Variants in OSBPL8 observed in about 807,000 individuals in gnomAD.
OSBPL8 encodes the protein oxysterol binding protein like 8.
OSBPL8 carries 59 observed loss-of-function variants against 125.5 expected under a neutral mutation model. The observed-to-expected ratio is 0.47, with a 90% CI of 0.38 to 0.58. OSBPL8 has a LOEUF of 0.58. Ranked by LOEUF, OSBPL8 falls within the 20% of genes least tolerant of loss-of-function variation. OSBPL8 has a pLI of 0.00. For missense variants in OSBPL8, 758 were observed against 1,047.8 expected (o/e 0.72, Z 3.82); for synonymous variants, 330 against 338.9 (o/e 0.97, Z 0.29).
intron 6 of OSBPL8, among the ~76,000 whole-genome samples, chr12:76,401,800 A>G (rs1036861881): frequency 1.3e-5 from 2 of 152,212 alleles, no homozygotes; most frequent in African/African-American, 2.4e-5. Flanking sequence ...TTAAGAAACC[A>G]TAACTATAAA....
chr12:76,483,593 A>G (rs2137002886), intron 2 of OSBPL8, among the ~76,000 whole-genome samples: 1 of 151,616 alleles, frequency 6.6e-6, no homozygotes, highest in African/African-American at 2.4e-5. Context: ...TATGTTCAAG[A>G]AGGAAAGCAA....
intron 4 of OSBPL8, among the ~76,000 whole-genome samples, chr12:76,413,617 T>C (rs1356263881): frequency 6.6e-6 from 1 of 152,218 alleles, no homozygotes; most frequent in Non-Finnish European, 1.5e-5. Context: ...AACTTCAGTA[T>C]TGAAAAACTC....
intron 4 of OSBPL8, chr12:76,422,758 CACAA>C (rs1475240839): frequency 6.2e-5 from 22 of 356,738 alleles, no homozygotes; most frequent in East Asian, 2.2e-4. Context: ...AACCCACCAG[CACAA>C]ACAAAGAACA....
At chr12:76,539,850 T>C (rs1473796505) in intron 1 of OSBPL8, among the ~76,000 whole-genome samples, 3 of 152,160 alleles carry the variant, frequency 2.0e-5, no homozygotes, top group African/African-American at 7.2e-5. Context: ...TAACTTCCCA[T>C]GAGCAGTCAA....
At chr12:76,453,422 T>C (rs998289062) in intron 3 of OSBPL8, among the ~76,000 whole-genome samples, 3 of 152,148 alleles carry the variant, frequency 2.0e-5, no homozygotes, top group African/African-American at 7.2e-5. Context: ...ACATAGCAGA[T>C]AGCTTTCAGA....
intron 17 of OSBPL8, 68 bp from the exon 18 acceptor site, chr12:76,373,501 C>A: frequency 8.6e-7 from 1 of 1,156,972 alleles, no homozygotes. Context: ...AAAACCAAAA[C>A]AAAAAACCCA....
At chr12:76,508,601 A>C (rs542414327) in intron 1 of OSBPL8, among the ~76,000 whole-genome samples, 15 of 152,332 alleles carry the variant, frequency 9.8e-5, no homozygotes, top group Middle Eastern at 3.4e-3. Context: ...GGTGATAAAG[A>C]CCTTGCAGAT....
At chr12:76,551,197 C>A (rs887667917) in intron 1 of OSBPL8, among the ~76,000 whole-genome samples, 2 of 152,166 alleles carry the variant, frequency 1.3e-5, no homozygotes, top group Non-Finnish European at 2.9e-5. Flanking sequence ...ATGAACCTTA[C>A]CCAACCCCTA....
chr12:76,444,313 C>A (rs1205432021), intron 4 of OSBPL8, among the ~76,000 whole-genome samples: 1 of 152,084 alleles, frequency 6.6e-6, no homozygotes, highest in Admixed American at 6.5e-5. Context: ...ATCAAACATA[C>A]CTATTATAAT....
chr12:76,534,752 C>G (rs1036916820), intron 1 of OSBPL8, among the ~76,000 whole-genome samples: 4 of 152,090 alleles, frequency 2.6e-5, no homozygotes, highest in Non-Finnish European at 5.9e-5. Context: ...AAGATTTACA[C>G]TACCTTCAAA....
chr12:76,430,102 C>T (rs76109992), intron 4 of OSBPL8, among the ~76,000 whole-genome samples: 6,597 of 152,178 alleles, frequency 0.043, 500 homozygotes, highest in African/African-American at 0.15. Flanking sequence ...CAATCCTGTC[C>T]GCTGAGTGAC....
intron 1 of OSBPL8, among the ~76,000 whole-genome samples, chr12:76,516,566 C>A (rs566573488): frequency 6.6e-6 from 1 of 151,942 alleles, no homozygotes; most frequent in South Asian, 2.1e-4. Flanking sequence ...CAAATTAAAC[C>A]CCAAAAAAGT....
intron 21 of OSBPL8, among the ~76,000 whole-genome samples, chr12:76,365,103 G>A (rs1183486480): frequency 6.6e-6 from 1 of 151,986 alleles, no homozygotes; most frequent in African/African-American, 2.4e-5. Flanking sequence ...CTACAGGCGT[G>A]TGCCACCATG....
chr12:76,461,538 C>T (rs1327530830), intron 2 of OSBPL8, among the ~76,000 whole-genome samples: 1 of 151,324 alleles, frequency 6.6e-6, no homozygotes, highest in Non-Finnish European at 1.5e-5. Context: ...GCAATCTCCA[C>T]CTCCCGGGTT....
chr12:76,439,247 C>T (rs926616799), intron 4 of OSBPL8, among the ~76,000 whole-genome samples: 21 of 152,042 alleles, frequency 1.4e-4, no homozygotes, highest in East Asian at 1.9e-4. Flanking sequence ...GGCATGGTGG[C>T]GCACGCCTAT....
chr12:76,466,957 T>C (rs1223377513), intron 2 of OSBPL8, among the ~76,000 whole-genome samples: 1 of 151,258 alleles, frequency 6.6e-6, no homozygotes, highest in Non-Finnish European at 1.5e-5. Flanking sequence ...AACGAAACTC[T>C]GTCTCAAAAA....
At chr12:76,393,833 C>A (rs1259721706) in intron 9 of OSBPL8, among the ~76,000 whole-genome samples, 2 of 151,658 alleles carry the variant, frequency 1.3e-5, no homozygotes, top group East Asian at 3.9e-4. Context: ...ACCATCCTGG[C>A]CAACATGGTG....
intron 1 of OSBPL8, among the ~76,000 whole-genome samples, chr12:76,489,914 CAGG>C (rs1226967656): frequency 1.3e-5 from 2 of 152,170 alleles, no homozygotes; most frequent in East Asian, 3.8e-4. Context: ...TTGTGAGTCA[CAGG>C]AGGAGGTCAA....
At chr12:76,388,001 AAC>A (rs1212260587) in intron 12 of OSBPL8, among the ~76,000 whole-genome samples, 1 of 152,146 alleles carries the variant, frequency 6.6e-6, no homozygotes, top group African/African-American at 2.4e-5. Context: ...TATATAAATA[AAC>A]AGTCTTGCTT....
Sources: allele counts gnomAD v4.1 joint callset (sites outside exome capture counted in the v4.1 genomes callset), GRCh38; gene constraint gnomAD v4.1.1; transcripts MANE v1.5; gene names NCBI Gene and HGNC (gene_info 2026-07-23, HGNC 2026-07-21).